The following DKK3 variants were observed in gnomAD, a reference collection of about 807,000 sequenced individuals.
DKK3 encodes dickkopf-related protein 3.
A neutral mutation model predicts 33.2 loss-of-function variants in DKK3; 22 were observed. That is an observed-to-expected ratio of 0.66 (90% CI 0.47 to 0.95). DKK3 has a LOEUF of 0.95. Among genes scored for constraint, DKK3 ranks in the 40% least tolerant of loss-of-function variants. DKK3 has a pLI of 0.00. For missense variants in DKK3, 398 were observed against 458.4 expected (o/e 0.87, Z 1.20); for synonymous variants, 194 against 188.8 (o/e 1.03, Z -0.23).
intron 1 of DKK3, among the ~76,000 whole-genome samples, chr11:12,003,254 T>C (rs1848468174): frequency 6.6e-6 from 1 of 152,098 alleles, no homozygotes; most frequent in Non-Finnish European, 1.5e-5. Flanking sequence ...GAACCTAAAC[T>C]TACTCCCTGT....
intron 2 of DKK3, among the ~76,000 whole-genome samples, chr11:12,000,960 G>T (rs74798462): frequency 0.024 from 3,703 of 152,078 alleles, 142 homozygotes; most frequent in African/African-American, 0.084. Flanking sequence ...TATACTTTAG[G>T]TCATTTGACC....
intron 3 of DKK3, among the ~76,000 whole-genome samples, chr11:11,976,065 A>T (rs1337621172): frequency 2.6e-5 from 4 of 152,226 alleles, no homozygotes; most frequent in Admixed American, 2.0e-4. Context: ...CTCTATTTGC[A>T]GTGCTTAACT....
At chr11:11,983,787 C>G (rs1848006622) in intron 3 of DKK3, among the ~76,000 whole-genome samples, 1 of 152,256 alleles carries the variant, frequency 6.6e-6, no homozygotes, top group Admixed American at 6.5e-5. Context: ...ACATCTGAGA[C>G]AGAGCCCAGG....
chr11:12,001,918 G>C (rs1471754588), intron 2 of DKK3: 1 of 160,876 alleles, frequency 6.2e-6, no homozygotes, highest in Admixed American at 6.2e-5. Flanking sequence ...GTGGTCTCTA[G>C]TTCAATCCCT....
chr11:11,972,870 G>A (rs1847753702), intron 3 of DKK3, among the ~76,000 whole-genome samples: 1 of 151,648 alleles, frequency 6.6e-6, no homozygotes, highest in Non-Finnish European at 1.5e-5. Flanking sequence ...AGGGAAGGCG[G>A]GGGCTCTGGG....
At chr11:11,998,674 T>A in intron 3 of DKK3, 22 bp downstream of exon 3, 1 of 1,604,310 alleles carries the variant, frequency 6.2e-7, no homozygotes, top group Non-Finnish European at 8.5e-7. Flanking sequence ...GGGGTGCAAG[T>A]ACAGGGGAAA....
At chr11:11,975,676 G>A (rs150257102) in intron 3 of DKK3, among the ~76,000 whole-genome samples, 1 of 152,276 alleles carries the variant, frequency 6.6e-6, no homozygotes, top group East Asian at 1.9e-4. Flanking sequence ...GGTTCACCCA[G>A]GGCTAGGGGT....
chr11:11,987,649 C>T (rs1021824551), intron 3 of DKK3, among the ~76,000 whole-genome samples: 6 of 152,198 alleles, frequency 3.9e-5, no homozygotes, highest in Non-Finnish European at 7.3e-5. Flanking sequence ...CACATGTGTT[C>T]CTTCCTGGTT....
chr11:11,986,480 A>G (rs1205674899), intron 3 of DKK3, among the ~76,000 whole-genome samples: 2 of 152,142 alleles, frequency 1.3e-5, no homozygotes. Context: ...CCTGAGCCCA[A>G]GGAGCTCTGC....
rs1848452934 is a variant in DKK3, at chr11:12,002,545, T to C, written c.214-108A>G. On this transcript the variant is annotated intron_variant, in intron 1 of 6. Coordinates refer to ENST00000683431, the MANE Select transcript of DKK3 (RefSeq NM_001018057.2). ...CCTCTTCTGCAATTACAAAGAATGA[T>C]GATGATGATAGGTGCTATTAATTGA... The C allele has an allele frequency of 4.9e-6, 6 of 1,217,502 alleles. No individual in the cohort carries two copies. In the East Asian group the frequency reaches 1.2e-4, roughly 24 times the overall value. 75.4% of individuals were successfully genotyped at this position (1,217,502 alleles called of 1,614,324 possible). A position where few individuals can be genotyped will look rare whatever the true frequency, so the allele number is the denominator to read the frequency against.
At chr11:11,982,411 C>T (rs1847974956) in intron 3 of DKK3, among the ~76,000 whole-genome samples, 2 of 152,176 alleles carry the variant, frequency 1.3e-5, no homozygotes, top group Non-Finnish European at 2.9e-5. Flanking sequence ...ACCTGCTCTA[C>T]CCCAGCCTCT....
intron 3 of DKK3, among the ~76,000 whole-genome samples, chr11:11,986,212 A>G (rs1848067874): frequency 6.6e-6 from 1 of 152,104 alleles, no homozygotes; most frequent in Non-Finnish European, 1.5e-5. Flanking sequence ...CCTTTCTGGG[A>G]GGCCCTGAAT....
At chr11:12,000,940 T>C (rs1332882075) in intron 2 of DKK3, among the ~76,000 whole-genome samples, 1 of 152,216 alleles carries the variant, frequency 6.6e-6, no homozygotes, top group Admixed American at 6.5e-5. Context: ...CAGTTTACAA[T>C]GAACTTTCAT....
At position 11,966,965 on chromosome 11, in the gene DKK3, G is replaced by A; in HGVS notation, c.662C>T (p.Ala221Val). The stretch of plus-strand genomic sequence containing the variant: ...GGGAGGCCACTCACCTCTCTGGAAG[G>A]CACAGCACAGCCCCGGCTGGCAGTC... Reference protein sequence around the residue: ...QRDCQPGLCCAFQRGLLFPVC... With the variant: ...QRDCQPGLCCVFQRGLLFPVC... Residue 221 changes from alanine (A) to valine (V), a missense_variant, in exon 5 of 7, where the codon GCC (alanine) becomes GTC (valine). By Grantham distance (64) the Ala-to-Val change is moderately conservative. Coordinates refer to ENST00000683431, the MANE Select transcript of DKK3 (RefSeq NM_001018057.2). 6.2e-7 allele frequency: 1 copy of A among 1,613,880 alleles called. No homozygotes were observed. Among genetic ancestry groups the A allele is most frequent in the Non-Finnish European group, 8.5e-7 (1 of 1,179,878 alleles).
Position 11,990,928 on chromosome 11 carries a change from C to A in DKK3, c.435+7768G>T, listed in dbSNP as rs141735710. 6.3e-4 allele frequency among the ~76,000 whole-genome samples: 96 copies of A among 152,306 alleles called. 1 individual carries two copies. The highest frequency in any genetic ancestry group is 2.1e-3 in the African/African-American group (89 of 41,564). ...ATTCTATTCTACTTGCAAGATGATA[C>A]ATGTTCCTGCCACGGTTTCATGGCT... is the stretch of plus-strand genomic sequence containing the variant. On this transcript the variant is annotated intron_variant, in intron 3 of 6. Transcript: ENST00000683431.
intron 3 of DKK3, among the ~76,000 whole-genome samples, chr11:11,982,502 C>T (rs1590523178): frequency 6.6e-6 from 1 of 152,238 alleles, no homozygotes; most frequent in Non-Finnish European, 1.5e-5. Flanking sequence ...CACTCTGGCT[C>T]ATGCTTCATC....
At chr11:12,009,421 G>C (rs1247046538), upstream of DKK3, 1 of 962,946 alleles carries the variant, frequency 1.0e-6, no homozygotes, top group Non-Finnish European at 1.2e-6. Context: ...CCGCGGAGGG[G>C]CCGCAGCCCG....
chr11:11,964,944 C>A (rs554813029), intron 6 of DKK3, among the ~76,000 whole-genome samples: 1 of 152,242 alleles, frequency 6.6e-6, no homozygotes, highest in South Asian at 2.1e-4. Context: ...GACTCTCAGG[C>A]CCCGCAGCCC....
At chr11:11,987,855 A>T (rs1200849826) in intron 3 of DKK3, among the ~76,000 whole-genome samples, 9 of 152,218 alleles carry the variant, frequency 5.9e-5, no homozygotes, top group Non-Finnish European at 5.9e-5. Context: ...GCAACCTTAC[A>T]ACAAAATAAA....
Sources: allele counts gnomAD v4.1 joint callset (sites outside exome capture counted in the v4.1 genomes callset), GRCh38; gene constraint gnomAD v4.1.1; transcripts MANE v1.5; gene names NCBI Gene and HGNC (gene_info 2026-07-23, HGNC 2026-07-21).